Variants in RAD54L2 observed in about 807,000 individuals in gnomAD.
RAD54L2 encodes helicase ARIP4.
A neutral mutation model predicts 138.4 loss-of-function variants in RAD54L2; 27 were observed. The observed-to-expected ratio is 0.20, with a 90% CI of 0.14 to 0.27. RAD54L2 has a LOEUF of 0.27. Ranked by LOEUF, RAD54L2 falls within the 10% of genes least tolerant of loss-of-function variation. RAD54L2 has a pLI of 1.00. For missense variants in RAD54L2, 1,396 were observed against 1,890.2 expected (o/e 0.74, Z 4.85); for synonymous variants, 644 against 723.2 (o/e 0.89, Z 1.76).
Position 51,666,063 on chromosome 3 carries a change from A to G in RAD54L2, c.*2643A>G, listed in dbSNP as rs538073730. The G allele has an allele frequency of 6.8e-6, 1 of 148,096 alleles. No homozygotes were observed. The highest frequency in any genetic ancestry group is 2.1e-4 in the East Asian group (1 of 4,772). The allele number at this position is 148,096 out of a possible 1,614,324, so 9.2% of individuals were successfully genotyped here. A position where few individuals can be genotyped will look rare whatever the true frequency, so the allele number is the denominator to read the frequency against. On this transcript the variant is annotated 3_prime_UTR_variant, in exon 23 of 23. Transcript: ENST00000684192. ...ACTCAGCAGAGGCCATCATTCTGGG[A>G]GGCTGACCTGACTAGAGAAGGCTTT...
chr3:51,622,853 C>T (rs1031323196), intron 3 of RAD54L2, among the ~76,000 whole-genome samples: 2 of 152,178 alleles, frequency 1.3e-5, no homozygotes, highest in Non-Finnish European at 2.9e-5. Context: ...GAAGGTCCTT[C>T]TTGTTGCTGC....
At chr3:51,610,309 A>T (rs1700298247) in intron 3 of RAD54L2, among the ~76,000 whole-genome samples, 2 of 152,234 alleles carry the variant, frequency 1.3e-5, no homozygotes, top group South Asian at 4.1e-4. Flanking sequence ...ATTATTAAAG[A>T]ATGAATCTTT....
chr3:51,558,136 G>A (rs1366978620), intron 2 of RAD54L2, among the ~76,000 whole-genome samples: 2 of 151,798 alleles, frequency 1.3e-5, no homozygotes, highest in Admixed American at 1.3e-4. Flanking sequence ...GTGAGCCACC[G>A]CCCCTGGCCG....
intron 2 of RAD54L2, among the ~76,000 whole-genome samples, chr3:51,586,448 A>C (rs376604200): frequency 6.7e-6 from 1 of 150,170 alleles, no homozygotes; most frequent in African/African-American, 2.4e-5. Context: ...TTTTTTTGGA[A>C]GTCTCTGTCG....
intron 3 of RAD54L2, among the ~76,000 whole-genome samples, chr3:51,603,170 A>G (rs537216718): frequency 1.3e-5 from 2 of 148,340 alleles, no homozygotes; most frequent in South Asian, 2.1e-4. Context: ...AAAGCCAGGC[A>G]TGGTGTCAAG....
chr3:51,610,308 G>T (rs762620766), intron 3 of RAD54L2, among the ~76,000 whole-genome samples: 9 of 152,016 alleles, frequency 5.9e-5, no homozygotes, highest in Non-Finnish European at 1.3e-4. Context: ...CATTATTAAA[G>T]AATGAATCTT....
chr3:51,646,433 C>T lies in RAD54L2; in HGVS notation c.2978C>T (p.Ala993Val). 6.2e-7 allele frequency: 1 copy of T among 1,613,368 alleles called. No homozygotes were observed. The highest frequency in any genetic ancestry group is 8.5e-7 in the Non-Finnish European group (1 of 1,179,608). ...CCATCGTATGCGCAGTATTACCCTG[C>T]CAGCGATCAGAGCCTGACCAGCATC... ...TRPSYAQYYPASDQSLTSIPA... is the reference protein window; with the variant it reads ...TRPSYAQYYPVSDQSLTSIPA... Residue 993 changes from alanine (A) to valine (V), a missense_variant, in exon 19 of 23, where the codon GCC becomes GTC. By Grantham distance (64) the Ala-to-Val change is moderately conservative. Around this residue, in one of 7 missense-constraint regions of RAD54L2, gnomAD observed 634 missense variants for 711.2 expected, o/e 0.89. Coordinates refer to ENST00000684192, the MANE Select transcript of RAD54L2 (RefSeq NM_015106.4).
chr3:51,643,970 A>G lies in RAD54L2; in HGVS notation c.2446A>G (p.Thr816Ala). ...CACCACCTGGCTGTTCCTTCTCTCT[A>G]CAAGGTGAGTGGATCCCAAGAGGGG... ...NLTTWLFLLS[T>A]RAGCLGVNLI... is the part of the protein sequence containing the mutation. The change falls in exon 16 of 23, where the codon ACA (threonine) becomes GCA (alanine). Residue 816 changes from threonine (T) to alanine (A), a missense_variant. This residue lies in a region of RAD54L2 where 78 missense variants were observed against 171.6 expected (regional missense o/e 0.45). Coordinates refer to ENST00000684192, the MANE Select transcript of RAD54L2 (RefSeq NM_015106.4). 1 of 1,596,466 alleles carries G rather than the reference A, an allele frequency of 6.3e-7. No individual in the cohort carries two copies. Among genetic ancestry groups the G allele is most frequent in the Non-Finnish European group, 8.5e-7 (1 of 1,170,558 alleles).
intron 3 of RAD54L2, among the ~76,000 whole-genome samples, chr3:51,592,765 G>A (rs1336867870): frequency 6.6e-6 from 1 of 152,022 alleles, no homozygotes; most frequent in Non-Finnish European, 1.5e-5. Context: ...AGTAGAGACA[G>A]GGTTTCACCA....
At chr3:51,611,715 CG>C (rs1424692890) in intron 3 of RAD54L2, among the ~76,000 whole-genome samples, 1 of 151,998 alleles carries the variant, frequency 6.6e-6, no homozygotes, top group Non-Finnish European at 1.5e-5. Context: ...CCAGCCACCA[CG>C]CCCGGCTAAT....
intron 2 of RAD54L2, among the ~76,000 whole-genome samples, chr3:51,574,786 T>C (rs1433615747): frequency 6.6e-6 from 1 of 152,222 alleles, no homozygotes; most frequent in African/African-American, 2.4e-5. Context: ...TTTTCTCCCA[T>C]TCTGTAGGTT....
intron 2 of RAD54L2, among the ~76,000 whole-genome samples, chr3:51,551,471 T>TGTC (rs1698835894): frequency 6.6e-6 from 1 of 151,816 alleles, no homozygotes; most frequent in Non-Finnish European, 1.5e-5. Context: ...AGTCTCACTT[T>TGTC]GTCATCCAGG....
intron 2 of RAD54L2, among the ~76,000 whole-genome samples, chr3:51,563,663 T>C (rs562693478): frequency 3.3e-4 from 51 of 152,338 alleles, no homozygotes; most frequent in Middle Eastern, 3.4e-3. Flanking sequence ...AGCATTTGCT[T>C]TATCATTTTG....
chr3:51,631,031 G>A (rs1453744120), intron 7 of RAD54L2, 100 bp downstream of exon 7: 1 of 1,209,122 alleles, frequency 8.3e-7, no homozygotes, highest in East Asian at 2.5e-5. Context: ...TGAAGTACTT[G>A]TTTGGTACCA....
At chr3:51,617,602 A>G (rs571915156) in intron 3 of RAD54L2, among the ~76,000 whole-genome samples, 1 of 152,288 alleles carries the variant, frequency 6.6e-6, no homozygotes, top group South Asian at 2.1e-4. Context: ...TAGGCCAGGT[A>G]TGGTGACTCA....
Position 51,630,336 on chromosome 3 carries a change from C to G in RAD54L2, c.546C>G (p.Val182=). The G allele has an allele frequency of 1.2e-6, 2 of 1,613,980 alleles. No individual in the cohort carries two copies. Among genetic ancestry groups the G allele is most frequent in the Non-Finnish European group, 1.7e-6 (2 of 1,179,882 alleles). The change falls in exon 6 of 23, where the codon GTC becomes GTG. Residue 182 remains valine (V), a synonymous_variant. Coordinates refer to ENST00000684192, the MANE Select transcript of RAD54L2 (RefSeq NM_015106.4). ...CTCCTCGGGTCTTGGCCCAGGAAGT[C>G]ATTTGTTTGGACAGTAGCAGTGGCA... ...QLPPRVLAQE[V]ICLDSSSGSE... is the part of the protein sequence containing the mutation.
chr3:51,624,966 C>A (rs1311824569), intron 3 of RAD54L2, among the ~76,000 whole-genome samples: 1 of 152,060 alleles, frequency 6.6e-6, no homozygotes, highest in Non-Finnish European at 1.5e-5. Context: ...AGGATGATGA[C>A]CCATGGTACA....
Position 51,635,491 on chromosome 3 carries a change from A to T in RAD54L2, c.1143-102A>T, listed in dbSNP as rs1700963278. The T allele has an allele frequency of 3.9e-6, 5 of 1,290,174 alleles. No homozygotes were observed. The African/African-American group carries it at 6.0e-5, about 15-fold the overall frequency. The allele number at this position is 1,290,174 out of a possible 1,614,324, so 79.9% of individuals were successfully genotyped here. A position where few individuals can be genotyped will look rare whatever the true frequency, so the allele number is the denominator to read the frequency against. On this transcript the variant is annotated intron_variant, in intron 9 of 22. Transcript: ENST00000684192. The stretch of plus-strand genomic sequence containing the variant: ...AATAAGAAGTTCTGAATGTACATCA[A>T]CACAGCTTTGATTGTGAGCAATTCT...
intron 3 of RAD54L2, among the ~76,000 whole-genome samples, chr3:51,597,893 G>A (rs930483337): frequency 6.6e-6 from 1 of 151,502 alleles, no homozygotes; most frequent in Admixed American, 6.6e-5. Flanking sequence ...GGCGGAGGTT[G>A]CGGTGAGCCG....
Sources: gnomAD v4.1 joint callset for allele counts (sites outside exome capture counted in the v4.1 genomes callset) on GRCh38, gnomAD v4.1.1 for gene constraint, gnomAD v4.1.1 regional missense constraint, MANE v1.5 for transcripts, NCBI Gene and HGNC (gene_info 2026-07-23, HGNC 2026-07-21) for gene names.